The following PTCHD4 variants were observed in gnomAD, a reference collection of about 807,000 sequenced individuals.
The protein encoded by PTCHD4 is patched domain-containing protein 4.
PTCHD4 carries 33 observed loss-of-function variants against 58.1 expected under a neutral mutation model. The observed-to-expected ratio is 0.57, with a 90% confidence interval of 0.43 to 0.76. PTCHD4 has a LOEUF of 0.76. Ranked by LOEUF, PTCHD4 falls within the 30% of genes least tolerant of loss-of-function variation. The pLI is 0.00. For synonymous variants in PTCHD4, 478 were observed against 409.6 expected, an observed-to-expected ratio of 1.17 and a Z score of -2.02; for missense variants, 1,058 against 1,027.1, an observed-to-expected ratio of 1.03 and a Z score of -0.41.
intron 4 of PTCHD4, among the ~76,000 whole-genome samples, chr6:47,997,960 T>A (rs1187940373): frequency 6.6e-6 from 1 of 151,446 alleles, no homozygotes; most frequent in Non-Finnish European, 1.5e-5. Context: ...ATATCTCCCA[T>A]TTTTCAACAC....
chr6:47,916,476 C>T (rs1347861696), intron 4 of PTCHD4, among the ~76,000 whole-genome samples: 1 of 152,100 alleles, frequency 6.6e-6, no homozygotes, highest in South Asian at 2.1e-4. Flanking sequence ...AGAAAAGGCT[C>T]TCTCCCCACC....
intron 4 of PTCHD4, among the ~76,000 whole-genome samples, chr6:47,984,988 T>C (rs1768007847): frequency 6.6e-6 from 1 of 152,158 alleles, no homozygotes; most frequent in Non-Finnish European, 1.5e-5. Flanking sequence ...CTCAGTTCTC[T>C]GCAGTGAAAT....
intron 4 of PTCHD4, among the ~76,000 whole-genome samples, chr6:48,007,932 GCGCGCA>G (rs948036214): frequency 4.8e-4 from 20 of 41,736 alleles, no homozygotes; most frequent in African/African-American, 2.7e-3. Flanking sequence ...ATATGTGCGC[GCGCGCA>G]CACACACACA....
rs1485011653 is a variant in PTCHD4, at chr6:48,069,137, TA to T, written c.-181del. Among the ~76,000 whole-genome samples the T allele has an allele frequency of 9.8e-5, 4 of 40,880 alleles. No individual in the cohort carries two copies. Among genetic ancestry groups the T allele is most frequent in the South Asian group, 9.5e-4 (1 of 1,058 alleles). The allele number at this position is 40,880 out of a possible 152,430, so 26.8% of individuals were successfully genotyped here. On this transcript the variant is annotated 5_prime_UTR_variant, in exon 2 of 5. It removes the in-frame stop codon of an upstream open reading frame in the 5' UTR. Transcript: ENST00000339488. ...TTGTAAGAAGCAGACATGTGCCCCA[TA>T]AAGGGGGGGGGGGCTGAGGGGGGGA...
At chr6:47,994,670 A>G (rs1483547427) in intron 4 of PTCHD4, among the ~76,000 whole-genome samples, 1 of 152,242 alleles carries the variant, frequency 6.6e-6, no homozygotes, top group Non-Finnish European at 1.5e-5. Context: ...ATTTGGATAG[A>G]TATCAGCTAG....
chr6:47,990,234 A>G (rs1248967157), intron 4 of PTCHD4, among the ~76,000 whole-genome samples: 2 of 152,206 alleles, frequency 1.3e-5, no homozygotes, highest in African/African-American at 4.8e-5. Context: ...CATAGGCGGA[A>G]GGGACTTGCC....
intron 4 of PTCHD4, among the ~76,000 whole-genome samples, chr6:47,883,225 GA>G (rs2114106328): frequency 6.6e-6 from 1 of 152,094 alleles, no homozygotes; most frequent in African/African-American, 2.4e-5. Flanking sequence ...CAACTGTCCA[GA>G]AAGTCATTTT....
intron 4 of PTCHD4, among the ~76,000 whole-genome samples, chr6:47,891,083 G>A (rs1764365175): frequency 6.6e-6 from 1 of 150,926 alleles, no homozygotes; most frequent in African/African-American, 2.4e-5. Context: ...TTAACTGAGT[G>A]TGGTGGCGCA....
intron 3 of PTCHD4, among the ~76,000 whole-genome samples, chr6:48,031,914 T>C (rs1166567227): frequency 6.6e-6 from 1 of 152,160 alleles, no homozygotes; most frequent in Non-Finnish European, 1.5e-5. Context: ...AGTCGGAATA[T>C]GTTTTCGATG....
At chr6:47,943,760 TGTCCCTTCAGGGAA>T (rs1488410852) in intron 4 of PTCHD4, among the ~76,000 whole-genome samples, 1 of 152,074 alleles carries the variant, frequency 6.6e-6, no homozygotes, top group Admixed American at 6.6e-5. Flanking sequence ...ATCCACAATC[TGTCCCTTCAGGGAA>T]GTTTCTTTCC....
chr6:47,949,567 T>C (rs1766554027), intron 4 of PTCHD4, among the ~76,000 whole-genome samples: 1 of 152,282 alleles, frequency 6.6e-6, no homozygotes. Context: ...ATTGATTATC[T>C]GCTTGAGGGG....
chr6:47,919,558 G>T (rs750540115), intron 4 of PTCHD4, among the ~76,000 whole-genome samples: 2 of 152,246 alleles, frequency 1.3e-5, no homozygotes, highest in Non-Finnish European at 2.9e-5. Flanking sequence ...AGAGAGACTG[G>T]TTTTTACCAA....
intron 4 of PTCHD4, among the ~76,000 whole-genome samples, chr6:47,994,006 T>A (rs1246861197): frequency 6.6e-6 from 1 of 152,154 alleles, no homozygotes; most frequent in African/African-American, 2.4e-5. Flanking sequence ...TGGCTGTAGA[T>A]ATGGAGCAGA....
At chr6:48,039,213 A>G (rs1763755598) in intron 3 of PTCHD4, among the ~76,000 whole-genome samples, 1 of 152,166 alleles carries the variant, frequency 6.6e-6, no homozygotes, top group Non-Finnish European at 1.5e-5. Context: ...TATAACATAA[A>G]AGGAAAGGAA....
intron 4 of PTCHD4, among the ~76,000 whole-genome samples, chr6:47,909,928 A>G (rs540485674): frequency 4.6e-5 from 7 of 152,220 alleles, no homozygotes; most frequent in East Asian, 1.9e-4. Context: ...TATCTCTCCA[A>G]TGTTTTTGGG....
intron 1 of PTCHD4, among the ~76,000 whole-genome samples, chr6:48,103,012 G>T (rs1256021518): frequency 1.3e-5 from 2 of 152,200 alleles, no homozygotes; most frequent in African/African-American, 2.4e-5. Context: ...GCCTCTGTAG[G>T]CTCCACCTCT....
chr6:48,021,965 T>C (rs1763086433), intron 3 of PTCHD4, among the ~76,000 whole-genome samples: 1 of 152,138 alleles, frequency 6.6e-6, no homozygotes, highest in Non-Finnish European at 1.5e-5. Flanking sequence ...CTCAAGGAAA[T>C]GTACAGGAAT....
intron 4 of PTCHD4, among the ~76,000 whole-genome samples, chr6:47,965,138 C>T (rs1458633295): frequency 2.0e-5 from 3 of 152,078 alleles, no homozygotes; most frequent in South Asian, 2.1e-4. Flanking sequence ...TGGGTACTAA[C>T]GGGAAAAATG....
At chr6:47,906,351 C>T (rs1764885343) in intron 4 of PTCHD4, among the ~76,000 whole-genome samples, 1 of 152,202 alleles carries the variant, frequency 6.6e-6, no homozygotes, top group Non-Finnish European at 1.5e-5. Flanking sequence ...TCCACCAAGC[C>T]TCAGTCTTTT....
Sources: allele counts gnomAD v4.1 joint callset (sites outside exome capture counted in the v4.1 genomes callset), GRCh38; gene constraint gnomAD v4.1.1; transcripts MANE v1.5; gene names NCBI Gene and HGNC (gene_info 2026-07-23, HGNC 2026-07-21).